The following CCDC7 variants were observed in gnomAD, a reference collection of about 807,000 sequenced individuals.
CCDC7 encodes the protein coiled-coil domain containing 7, also known as coiled-coil domain-containing protein 7.
Under a neutral mutation model 196.9 loss-of-function variants are expected in CCDC7, and 183 were observed. The ratio of observed to expected loss-of-function variants is 0.93; its 90% confidence interval spans 0.82 to 1.05. The LOEUF is 1.05. CCDC7 is among the 50% of genes least tolerant of loss of function. The pLI is 0.00. For missense variants in CCDC7, 1,540 were observed against 1,482.2 expected (o/e 1.04, Z -0.64); for synonymous variants, 525 against 484.6 (o/e 1.08, Z -1.10).
intron 18 of CCDC7, among the ~76,000 whole-genome samples, chr10:32,617,871 CTG>C (rs2062950611): frequency 6.6e-6 from 1 of 151,944 alleles, no homozygotes; most frequent in African/African-American, 2.4e-5. Flanking sequence ...AGTGCTATGA[CTG>C]TGATGTTGAC....
chr10:32,563,900 A>G (rs1430973176), intron 13 of CCDC7, among the ~76,000 whole-genome samples: 3 of 152,116 alleles, frequency 2.0e-5, no homozygotes, highest in Admixed American at 6.5e-5. Context: ...CAACCTACTT[A>G]TCTGACAAAG....
intron 21 of CCDC7, among the ~76,000 whole-genome samples, chr10:32,677,785 T>C (rs2075257469): frequency 2.0e-5 from 3 of 152,174 alleles, no homozygotes; most frequent in South Asian, 4.1e-4. Context: ...ATTATTTCTT[T>C]AAATAAGCCT....
intron 37 of CCDC7, among the ~76,000 whole-genome samples, chr10:32,847,318 A>C (rs763862231): frequency 5.9e-5 from 9 of 152,104 alleles, no homozygotes; most frequent in Non-Finnish European, 1.0e-4. Flanking sequence ...AAAAATTATT[A>C]ACATGCAAAG....
intron 20 of CCDC7, among the ~76,000 whole-genome samples, chr10:32,637,611 C>T (rs2065890756): frequency 6.6e-6 from 1 of 152,162 alleles, no homozygotes; most frequent in Non-Finnish European, 1.5e-5. Flanking sequence ...GTACCGGTAC[C>T]ATGCTCTTTT....
intron 24 of CCDC7, among the ~76,000 whole-genome samples, chr10:32,704,242 C>T (rs2079296339): frequency 6.6e-6 from 1 of 152,160 alleles, no homozygotes; most frequent in Non-Finnish European, 1.5e-5. Flanking sequence ...GGACCCTCAG[C>T]TGCAGGTCTG....
chr10:32,500,915 G>A (rs562198548), intron 9 of CCDC7, among the ~76,000 whole-genome samples: 7 of 152,304 alleles, frequency 4.6e-5, no homozygotes, highest in East Asian at 3.9e-4. Context: ...GCGTGGCGGC[G>A]CGTGCCTGCA....
intron 20 of CCDC7, among the ~76,000 whole-genome samples, chr10:32,635,995 C>T (rs2065570972): frequency 6.6e-6 from 1 of 151,760 alleles, no homozygotes; most frequent in Non-Finnish European, 1.5e-5. Context: ...ATATTTTTTC[C>T]TTGGACAAAT....
At chr10:32,765,918 T>C (rs1186948468) in intron 28 of CCDC7, among the ~76,000 whole-genome samples, 2 of 152,102 alleles carry the variant, frequency 1.3e-5, no homozygotes, top group African/African-American at 2.4e-5. Flanking sequence ...TTCTTTTAGC[T>C]GGAAAGTCTA....
intron 18 of CCDC7, among the ~76,000 whole-genome samples, chr10:32,606,156 G>A (rs1162734678): frequency 6.6e-6 from 1 of 152,242 alleles, no homozygotes; most frequent in South Asian, 2.1e-4. Context: ...CTGCTTCAGA[G>A]GGTACAAGCC....
intron 37 of CCDC7, among the ~76,000 whole-genome samples, chr10:32,847,132 C>A (rs902609178): frequency 2.0e-5 from 3 of 152,126 alleles, no homozygotes; most frequent in African/African-American, 7.2e-5. Flanking sequence ...AGGCTCTGCC[C>A]CTTGGAGAGC....
chr10:32,658,835 G>A (rs943258704), intron 20 of CCDC7, among the ~76,000 whole-genome samples: 29 of 152,134 alleles, frequency 1.9e-4, no homozygotes, highest in African/African-American at 6.0e-4. Context: ...TCAATTTTTG[G>A]TGTATAATTG....
chr10:32,734,252 T>A (rs1307611939), intron 28 of CCDC7, among the ~76,000 whole-genome samples: 2 of 152,206 alleles, frequency 1.3e-5, no homozygotes, highest in Admixed American at 6.5e-5. Flanking sequence ...CTATGATTAC[T>A]ATGCAGCCAT....
Position 32,828,458 on chromosome 10 carries a change from AGAAGAAGAGGAAGAG to A in CCDC7, c.3268+3860_3268+3874del, listed in dbSNP as rs1457474003. On this transcript the variant is annotated intron_variant, in intron 32 of 41. Coordinates refer to ENST00000639629, the Ensembl canonical transcript of CCDC7. Reference sequence around the variant, plus strand: ...AGGAAGGAGAAGAAGAAGAAGAAGAAGAAGAAGAGGAAGAGGAAGAGGAAGAGGAAGAAGAAGAAG... The same window carrying A: ...AGGAAGGAGAAGAAGAAGAAGAAGAAGAAGAGGAAGAGGAAGAAGAAGAAG... Among the ~76,000 whole-genome samples the A allele has an allele frequency of 2.3e-4, 22 of 96,636 alleles. 4 individuals carry two copies. Among genetic ancestry groups the A allele is most frequent in the South Asian group, 6.6e-4 (2 of 3,020 alleles). The allele number at this position is 96,636 out of a possible 152,430, so 63.4% of individuals were successfully genotyped here.
At chr10:32,691,955 A>G (rs1244212837) in intron 23 of CCDC7, among the ~76,000 whole-genome samples, 1 of 152,184 alleles carries the variant, frequency 6.6e-6, no homozygotes, top group East Asian at 1.9e-4. Context: ...CTTAGGCAAT[A>G]TGGGCACTGT....
chr10:32,542,516 C>T (rs2051632292), intron 11 of CCDC7, among the ~76,000 whole-genome samples: 1 of 151,356 alleles, frequency 6.6e-6, no homozygotes, highest in Non-Finnish European at 1.5e-5. Flanking sequence ...CCCTGTAGTC[C>T]CAGCTACTGA....
intron 31 of CCDC7, among the ~76,000 whole-genome samples, chr10:32,824,279 G>C (rs1227333512): frequency 1.3e-5 from 2 of 152,052 alleles, no homozygotes; most frequent in East Asian, 3.8e-4. Context: ...GTTATTACTT[G>C]CTATATGGTC....
At chr10:32,626,630 T>G (rs1365556405) in intron 18 of CCDC7, among the ~76,000 whole-genome samples, 1 of 152,004 alleles carries the variant, frequency 6.6e-6, no homozygotes, top group African/African-American at 2.4e-5. Flanking sequence ...TAAAAAAAAT[T>G]GCCTACACCA....
At chr10:32,457,950 G>A (rs955178175) in intron 3 of CCDC7, among the ~76,000 whole-genome samples, 1 of 149,288 alleles carries the variant, frequency 6.7e-6, no homozygotes, top group African/African-American at 2.5e-5. Context: ...ATTTTTTTTT[G>A]CAAATATCTT....
chr10:32,484,105 A>G (rs923128302), intron 8 of CCDC7, among the ~76,000 whole-genome samples: 5 of 152,106 alleles, frequency 3.3e-5, no homozygotes, highest in African/African-American at 1.2e-4. Context: ...CATTTTCACA[A>G]TATTGATTCT....
Sources: allele counts gnomAD v4.1 joint callset (sites outside exome capture counted in the v4.1 genomes callset), GRCh38; gene constraint gnomAD v4.1.1; transcripts MANE v1.5; gene names NCBI Gene and HGNC (gene_info 2026-07-23, HGNC 2026-07-21).